The following DENND1B variants were observed in gnomAD, a reference collection of about 807,000 sequenced individuals.
DENND1B encodes DENN domain containing 1B, also known as DENN domain-containing protein 1B.
Under a neutral mutation model 90.1 loss-of-function variants are expected in DENND1B, and 59 were observed. The ratio of observed to expected loss-of-function variants is 0.65; its 90% confidence interval spans 0.53 to 0.81. DENND1B has a LOEUF of 0.81. Among genes scored for constraint, DENND1B ranks in the 40% least tolerant of loss-of-function variants. The probability of loss-of-function intolerance (pLI) is 0.00; values close to 1 mark genes in which losing one functional copy is unlikely to be tolerated. For synonymous variants in DENND1B, 337 were observed against 324.6 expected (o/e 1.04, Z -0.41); for missense variants, 862 against 912.6 (o/e 0.94, Z 0.71).
intron 14 of DENND1B, among the ~76,000 whole-genome samples, chr1:197,585,754 A>T (rs774832235): frequency 6.6e-6 from 1 of 152,218 alleles, no homozygotes; most frequent in Non-Finnish European, 1.5e-5. Context: ...TTTATTAATA[A>T]TGCTTTAAAG....
At chr1:197,761,970 C>T (rs1412908792) in intron 2 of DENND1B, 1 of 151,462 alleles carries the variant, frequency 6.6e-6, no homozygotes, top group East Asian at 1.9e-4. Context: ...CAAAAATCTG[C>T]AAGCTTTCAA....
chr1:197,617,163 C>A (rs967521871), intron 11 of DENND1B, among the ~76,000 whole-genome samples: 2 of 150,958 alleles, frequency 1.3e-5, no homozygotes, highest in Admixed American at 1.3e-4. Flanking sequence ...AACAAGAATT[C>A]TTGTATTAGA....
intron 10 of DENND1B, among the ~76,000 whole-genome samples, chr1:197,618,439 T>C (rs1388671744): frequency 6.6e-6 from 1 of 151,238 alleles, no homozygotes; most frequent in South Asian, 2.1e-4. Flanking sequence ...AGATTAACAT[T>C]TTGTTTCCTA....
At position 197,763,036 on chromosome 1, in the gene DENND1B, G is replaced by T. The variant is rs918619352; in HGVS notation, c.82+9832C>A. Among the ~76,000 whole-genome samples, 9 of 152,226 alleles carry T rather than the reference G, an allele frequency of 5.9e-5. No homozygotes were observed. In the East Asian group the frequency reaches 1.7e-3, roughly 29 times the overall value. ...ACCTTGTAAAGACATCTGCCAGCTT[G>T]GCGGTGGCTCACACCTGTAATCCCA... is the stretch of plus-strand genomic sequence containing the variant. On this transcript the variant is annotated intron_variant, in intron 2 of 22. Coordinates refer to ENST00000620048, the MANE Select transcript of DENND1B (RefSeq NM_001195215.2).
At chr1:197,555,268 C>T (rs986314794) in intron 15 of DENND1B, among the ~76,000 whole-genome samples, 1 of 151,928 alleles carries the variant, frequency 6.6e-6, no homozygotes, top group East Asian at 1.9e-4. Flanking sequence ...TAGAAGAAAA[C>T]CTAGGAAATA....
chr1:197,579,175 T>C (rs1246897165), intron 15 of DENND1B, among the ~76,000 whole-genome samples: 3 of 152,228 alleles, frequency 2.0e-5, no homozygotes, highest in East Asian at 1.9e-4. Flanking sequence ...AATTACTGTT[T>C]GATGGAATAA....
At chr1:197,587,153 A>T (rs541269076) in intron 14 of DENND1B, among the ~76,000 whole-genome samples, 1 of 152,368 alleles carries the variant, frequency 6.6e-6, no homozygotes, top group Admixed American at 6.5e-5. Context: ...AGACTTGAAT[A>T]TTAAAGTTGA....
At chr1:197,553,675 T>C (rs1225662352) in intron 15 of DENND1B, among the ~76,000 whole-genome samples, 1 of 152,186 alleles carries the variant, frequency 6.6e-6, no homozygotes, top group Non-Finnish European at 1.5e-5. Flanking sequence ...TCTAACCTAT[T>C]ATATTCTAAA....
intron 14 of DENND1B, among the ~76,000 whole-genome samples, chr1:197,587,337 A>C (rs1320344330): frequency 6.6e-6 from 1 of 152,224 alleles, no homozygotes; most frequent in Non-Finnish European, 1.5e-5. Flanking sequence ...AAATCTCTTC[A>C]TGAGATAATT....
chr1:197,645,743 G>A lies in DENND1B; in HGVS notation c.508C>T (p.His170Tyr). Residue 170 changes from histidine to tyrosine, a missense_variant and splice_region_variant, in exon 9 of 23, where the codon CAT (histidine) becomes TAT (tyrosine). His to Tyr is a moderately conservative substitution (Grantham distance 83). Coordinates refer to ENST00000620048, the MANE Select transcript of DENND1B (RefSeq NM_001195215.2). ...VLKDQPALVP[H>Y]SYFIAPDVTG... ...ACATCAGGGGCAATGAAGTAGGAAT[G>A]CTAATCAATACAAATAAATCACATA... 6.4e-7 allele frequency: 1 copy of A among 1,562,314 alleles called. No homozygotes were observed. The highest frequency in any genetic ancestry group is 8.7e-7 in the Non-Finnish European group (1 of 1,153,294).
In DENND1B at chr1:197,645,682, A is replaced by G; in HGVS notation, c.561+8T>C. ...AAGAATAATTAAAGTAGAAAATAGG[A>G]AACTTACACTCTCGGGTATTGTTGG... On this transcript the variant is annotated splice_region_variant and intron_variant, in intron 9 of 22. Transcript: ENST00000620048. The G allele has an allele frequency of 1.3e-6, 2 of 1,510,826 alleles. No individual in the cohort carries two copies. The highest frequency in any genetic ancestry group is 1.8e-6 in the Non-Finnish European group (2 of 1,126,884). The allele number at this position is 1,510,826 out of a possible 1,614,324, so 93.6% of individuals were successfully genotyped here.
At chr1:197,648,372 T>G (rs1322374524) in intron 7 of DENND1B, among the ~76,000 whole-genome samples, 1 of 152,110 alleles carries the variant, frequency 6.6e-6, no homozygotes, top group Admixed American at 6.6e-5. Flanking sequence ...TAATCCTAGG[T>G]AAAAAGGGGT....
intron 15 of DENND1B, among the ~76,000 whole-genome samples, chr1:197,580,221 A>G (rs1162401437): frequency 6.5e-5 from 9 of 137,912 alleles, no homozygotes; most frequent in Non-Finnish European, 1.4e-4. Flanking sequence ...CCTCCCAAGT[A>G]GCTGGGATTA....
chr1:197,642,863 T>C (rs1680389437), intron 9 of DENND1B, 42 bp from the exon 10 acceptor site: 1 of 1,426,242 alleles, frequency 7.0e-7, no homozygotes. Flanking sequence ...CAGCTCATAG[T>C]GAATGTGAAG....
chr1:197,747,143 G>T, intron 2 of DENND1B: 1 of 767,164 alleles, frequency 1.3e-6, no homozygotes, highest in Non-Finnish European at 2.3e-6. Context: ...TTTCTGGAGC[G>T]TTTTCTTTTT....
intron 15 of DENND1B, among the ~76,000 whole-genome samples, chr1:197,569,588 A>G (rs1246646206): frequency 6.6e-6 from 1 of 151,898 alleles, no homozygotes; most frequent in Admixed American, 6.6e-5. Flanking sequence ...ACACACACAC[A>G]CACACACAAT....
intron 18 of DENND1B, among the ~76,000 whole-genome samples, chr1:197,544,966 A>G (rs1274548720): frequency 1.7e-3 from 2 of 1,144 alleles, no homozygotes; most frequent in Admixed American, 8.5e-3. Context: ...GGAGAAGGAG[A>G]AGGAGGAAGG....
intron 2 of DENND1B, among the ~76,000 whole-genome samples, chr1:197,767,643 T>C (rs978842546): frequency 6.6e-6 from 1 of 152,136 alleles, no homozygotes; most frequent in Non-Finnish European, 1.5e-5. Context: ...TACTATTAAA[T>C]AGCCAGAACT....
At chr1:197,763,799 G>C (rs1209226137) in intron 2 of DENND1B, among the ~76,000 whole-genome samples, 1 of 152,034 alleles carries the variant, frequency 6.6e-6, no homozygotes, top group Admixed American at 6.6e-5. Flanking sequence ...TGCCTTCTTC[G>C]TACTTCAGTG....
Sources: allele counts gnomAD v4.1 joint callset (sites outside exome capture counted in the v4.1 genomes callset), GRCh38; gene constraint gnomAD v4.1.1; transcripts MANE v1.5; gene names NCBI Gene and HGNC (gene_info 2026-07-23, HGNC 2026-07-21).